Variants in CCNY observed in about 807,000 individuals in gnomAD.
The protein encoded by CCNY is cyclin Y, also known as cyclin-Y.
Under a neutral mutation model 42.8 loss-of-function variants are expected in CCNY, and 19 were observed. The ratio of observed to expected loss-of-function variants is 0.44; its 90% CI spans 0.31 to 0.65. The LOEUF (loss-of-function observed/expected upper bound fraction) is 0.65, where lower values mean the gene tolerates loss of function less well. CCNY is among the 30% of genes least tolerant of loss of function. The pLI is 0.07. For missense variants in CCNY, 370 were observed against 437.3 expected (o/e 0.85, Z 1.37); for synonymous variants, 165 against 162.7 (o/e 1.01, Z -0.11).
chr10:35,417,061 A>G (rs896753982), intron 1 of CCNY, among the ~76,000 whole-genome samples: 1 of 152,224 alleles, frequency 6.6e-6, no homozygotes, highest in Non-Finnish European at 1.5e-5. Context: ...CACAGAGTCG[A>G]GAGAGGCATA....
At chr10:35,380,960 C>T (rs1394634808) in intron 1 of CCNY, among the ~76,000 whole-genome samples, 1 of 152,146 alleles carries the variant, frequency 6.6e-6, no homozygotes, top group African/African-American at 2.4e-5. Context: ...CTTGAAGCGT[C>T]CGAGTACCAT....
intron 1 of CCNY, among the ~76,000 whole-genome samples, chr10:35,474,160 C>T (rs535567120): frequency 5.3e-5 from 8 of 152,276 alleles, no homozygotes; most frequent in East Asian, 3.9e-4. Flanking sequence ...CACGGAGTCT[C>T]GCTGACTGCT....
chr10:35,449,908 T>A (rs184881846), intron 1 of CCNY: 3 of 560,388 alleles, frequency 5.4e-6, no homozygotes, highest in Non-Finnish European at 2.3e-6. Flanking sequence ...CCTACCTGAG[T>A]AGGGTGTCAA....
At chr10:35,563,232 G>C (rs1841500527) in intron 8 of CCNY, among the ~76,000 whole-genome samples, 1 of 151,994 alleles carries the variant, frequency 6.6e-6, no homozygotes, top group Admixed American at 6.6e-5. Flanking sequence ...AAATACAACA[G>C]CTCTAAAATC....
At chr10:35,253,414 A>ATTTTTTT (rs61405875) in intron 3 of CCNY, among the ~76,000 whole-genome samples, 2 of 89,036 alleles carry the variant, frequency 2.2e-5, no homozygotes, top group Non-Finnish European at 4.3e-5. Context: ...CATGCTCACT[A>ATTTTTTT]TTTTTTTTTT....
intron 3 of CCNY, 58 bp from the exon 4 acceptor site, chr10:35,516,465 C>T (rs1189846454): frequency 8.3e-7 from 1 of 1,200,716 alleles, no homozygotes; most frequent in Non-Finnish European, 1.2e-6. Context: ...GGTGATGTTT[C>T]TTGGAAGAAT....
intron 3 of CCNY, among the ~76,000 whole-genome samples, chr10:35,310,438 T>C (rs1054378776): frequency 2.0e-5 from 3 of 152,260 alleles, no homozygotes; most frequent in African/African-American, 7.2e-5. Context: ...AGCAGTGGGC[T>C]TGCTAGATCA....
chr10:35,249,434 T>G (rs964821073), intron 2 of CCNY, among the ~76,000 whole-genome samples: 1 of 151,646 alleles, frequency 6.6e-6, no homozygotes, highest in African/African-American at 2.4e-5. Flanking sequence ...AGATTGTTTA[T>G]GTTGTTTAAG....
chr10:35,385,717 G>T (rs1425108488), intron 1 of CCNY, among the ~76,000 whole-genome samples: 5 of 152,130 alleles, frequency 3.3e-5, no homozygotes, highest in Non-Finnish European at 7.3e-5. Context: ...TTAAAACCCA[G>T]TTGCCCTTTG....
At chr10:35,398,197 G>T (rs1161363379) in intron 1 of CCNY, among the ~76,000 whole-genome samples, 16 of 152,226 alleles carry the variant, frequency 1.1e-4, no homozygotes. Flanking sequence ...CTGGAGCCTA[G>T]GGCCCCGACT....
rs79498022 is a variant in CCNY at position 35,320,673 on chromosome 10, A to C, written c.-9+70047A>C. On this transcript the variant is annotated intron_variant, in intron 3 of 11. Coordinates refer to the CCNY transcript ENST00000374706. ...CCATACAGATTGAAAAGAAGAAATAAAACTGTCTATCTGCAGATGACATGA... is the reference window on the plus strand; with the variant it reads ...CCATACAGATTGAAAAGAAGAAATACAACTGTCTATCTGCAGATGACATGA... Among the ~76,000 whole-genome samples, 69 of 152,328 alleles carry C rather than the reference A, an allele frequency of 4.5e-4. 1 individual carries two copies. The East Asian group carries it at 0.011, about 25-fold the overall frequency.
At position 35,359,085 on chromosome 10, in the gene CCNY, C is replaced by T. The variant is rs191371741; in HGVS notation, c.154+21878C>T. On this transcript the variant is annotated intron_variant, in intron 1 of 9. Coordinates refer to ENST00000374704, the MANE Select transcript of CCNY (RefSeq NM_145012.6). ...GCCTACATGGCTTATTAGGTAAGTGCGGACTGCCAGGGATTTGTGGCAGAG... is the reference window on the plus strand; with the variant it reads ...GCCTACATGGCTTATTAGGTAAGTGTGGACTGCCAGGGATTTGTGGCAGAG... Among the ~76,000 whole-genome samples the T allele has an allele frequency of 2.0e-4, 31 of 152,310 alleles. No homozygotes were observed. The East Asian group carries it at 5.6e-3, about 27-fold the overall frequency.
At chr10:35,256,106 C>T (rs1214515283) in intron 3 of CCNY, among the ~76,000 whole-genome samples, 1 of 152,140 alleles carries the variant, frequency 6.6e-6, no homozygotes, top group Non-Finnish European at 1.5e-5. Context: ...TAAAAATCAT[C>T]TGAAGATAGC....
intron 3 of CCNY, among the ~76,000 whole-genome samples, chr10:35,509,991 G>A (rs1408600867): frequency 2.6e-5 from 4 of 152,142 alleles, no homozygotes; most frequent in Non-Finnish European, 4.4e-5. Flanking sequence ...CACTCCAGCA[G>A]GCCTTTCGTT....
At chr10:35,472,174 T>A (rs920584682) in intron 1 of CCNY, among the ~76,000 whole-genome samples, 1 of 152,184 alleles carries the variant, frequency 6.6e-6, no homozygotes, top group Non-Finnish European at 1.5e-5. Context: ...AGTACCTGAC[T>A]CCTAATCGTC....
chr10:35,352,324 G>T (rs756359738), intron 1 of CCNY, among the ~76,000 whole-genome samples: 2 of 152,218 alleles, frequency 1.3e-5, no homozygotes, highest in Non-Finnish European at 2.9e-5. Context: ...GTAGCAAGTG[G>T]CTGCATCCCC....
chr10:35,352,239 A>G (rs1183427820), intron 1 of CCNY, among the ~76,000 whole-genome samples: 1 of 152,190 alleles, frequency 6.6e-6, no homozygotes, highest in African/African-American at 2.4e-5. Flanking sequence ...TGTAAACACA[A>G]TGCTAGTACT....
chr10:35,402,041 A>G (rs1357207399), intron 1 of CCNY, among the ~76,000 whole-genome samples: 1 of 152,188 alleles, frequency 6.6e-6, no homozygotes, highest in Non-Finnish European at 1.5e-5. Flanking sequence ...TATATTAATA[A>G]GAAAAATAAA....
At chr10:35,518,602 T>C (rs1840477303) in intron 4 of CCNY, among the ~76,000 whole-genome samples, 1 of 119,368 alleles carries the variant, frequency 8.4e-6, no homozygotes, top group Non-Finnish European at 1.7e-5. Context: ...GTATCTGGAT[T>C]TTTAACAGAT....
Sources: allele counts gnomAD v4.1 joint callset (sites outside exome capture counted in the v4.1 genomes callset), GRCh38; gene constraint gnomAD v4.1.1; transcripts MANE v1.5; gene names NCBI Gene and HGNC (gene_info 2026-07-23, HGNC 2026-07-21).